Variants in HIBADH observed in about 807,000 individuals in gnomAD.
The protein encoded by HIBADH is 3-hydroxyisobutyrate dehydrogenase, mitochondrial.
Under a neutral mutation model 36.1 loss-of-function variants are expected in HIBADH, and 25 were observed. The ratio of observed to expected loss-of-function variants is 0.69; its 90% confidence interval spans 0.50 to 0.97. HIBADH has a LOEUF of 0.97. Ranked by LOEUF, HIBADH falls within the 50% of genes least tolerant of loss-of-function variation. The probability of loss-of-function intolerance (pLI) is 0.00; values close to 1 mark genes in which losing one functional copy is unlikely to be tolerated. For missense variants in HIBADH, 421 were observed against 418.0 expected, an observed-to-expected ratio of 1.01 and a Z score of -0.06; for synonymous variants, 160 against 149.5, an observed-to-expected ratio of 1.07 and a Z score of -0.51.
chr7:27,550,578 C>T lies in HIBADH; in HGVS notation c.485-7478G>A, dbSNP rs533074324. On this transcript the variant is annotated intron_variant, in intron 4 of 7. Coordinates refer to ENST00000265395, the MANE Select transcript of HIBADH (RefSeq NM_152740.4). ...CCCTCACATGAAATACCCTTCTCTGCCTTCTTTGCCTGGCTAACTCCTGCT... is the reference window on the plus strand; with the variant it reads ...CCCTCACATGAAATACCCTTCTCTGTCTTCTTTGCCTGGCTAACTCCTGCT... Among the ~76,000 whole-genome samples, 6 of 152,308 alleles carry T rather than the reference C, an allele frequency of 3.9e-5. No individual in the cohort carries two copies. The East Asian group carries it at 5.8e-4, about 15-fold the overall frequency.
chr7:27,646,261 A>G (rs1786068779), intron 2 of HIBADH, among the ~76,000 whole-genome samples: 1 of 152,216 alleles, frequency 6.6e-6, no homozygotes, highest in Non-Finnish European at 1.5e-5. Context: ...TAGTTTATAA[A>G]TAGGTTAACA....
intron 4 of HIBADH, among the ~76,000 whole-genome samples, chr7:27,554,222 G>A (rs1424640482): frequency 2.0e-5 from 3 of 152,328 alleles, no homozygotes; most frequent in East Asian, 3.9e-4. Context: ...CTGACCTCAG[G>A]TGATCCACTT....
intron 1 of HIBADH, among the ~76,000 whole-genome samples, chr7:27,650,656 C>T (rs1018711473): frequency 1.0e-4 from 15 of 145,714 alleles, no homozygotes; most frequent in Non-Finnish European, 1.6e-4. Context: ...CCATGCCTGG[C>T]TAATTTTTGT....
intron 4 of HIBADH, among the ~76,000 whole-genome samples, chr7:27,594,455 T>TA (rs1408191749): frequency 6.6e-6 from 1 of 152,204 alleles, no homozygotes. Context: ...AAGAAAACTT[T>TA]AAAGTCCTAG....
intron 4 of HIBADH, among the ~76,000 whole-genome samples, chr7:27,551,906 A>C (rs867101688): frequency 6.6e-6 from 1 of 152,144 alleles, no homozygotes. Flanking sequence ...TTAAAATGCA[A>C]TTGTTCTAAT....
chr7:27,629,023 C>T (rs1421468895), intron 4 of HIBADH, among the ~76,000 whole-genome samples: 2 of 151,678 alleles, frequency 1.3e-5, no homozygotes, highest in Admixed American at 6.6e-5. Flanking sequence ...TCTTTTTTTC[C>T]CACTTGTTCA....
chr7:27,630,116 C>T (rs1306148318), intron 3 of HIBADH, among the ~76,000 whole-genome samples: 1 of 152,084 alleles, frequency 6.6e-6, no homozygotes, highest in Non-Finnish European at 1.5e-5. Flanking sequence ...TTTAGGGTAA[C>T]TTATATATAT....
At chr7:27,584,321 T>C (rs946419200) in intron 4 of HIBADH, among the ~76,000 whole-genome samples, 2 of 152,066 alleles carry the variant, frequency 1.3e-5, no homozygotes, top group African/African-American at 4.8e-5. Context: ...TTCAGTTAGT[T>C]ATGCAGATAT....
intron 4 of HIBADH, among the ~76,000 whole-genome samples, chr7:27,581,250 T>G (rs1267127683): frequency 6.6e-6 from 1 of 152,050 alleles, no homozygotes; most frequent in Non-Finnish European, 1.5e-5. Flanking sequence ...CAAGGGCCAA[T>G]GCAGAGCAAA....
Position 27,662,844 on chromosome 7 carries a change from G to C in HIBADH, c.-56C>G. On this transcript the variant is annotated 5_prime_UTR_variant, in exon 1 of 8. Coordinates refer to ENST00000265395, the MANE Select transcript of HIBADH (RefSeq NM_152740.4). The stretch of plus-strand genomic sequence containing the variant: ...TCCGCCGCCTCCCGGAGGGCCCACA[G>C]ACTGCGAGCGTGTGCAGCGGGACTG... The C allele has an allele frequency of 7.6e-7, 1 of 1,321,764 alleles. No homozygotes were observed. Among genetic ancestry groups the C allele is most frequent in the East Asian group, 3.1e-5 (1 of 32,192 alleles). The allele number at this position is 1,321,764 out of a possible 1,614,324, so 81.9% of individuals were successfully genotyped here.
At chr7:27,574,536 C>T (rs536278393) in intron 4 of HIBADH, among the ~76,000 whole-genome samples, 69 of 152,220 alleles carry the variant, frequency 4.5e-4, no homozygotes, top group African/African-American at 1.7e-3. Context: ...AACAAACAAG[C>T]TTGCAAGTTA....
At chr7:27,600,740 C>CT (rs1304569512) in intron 4 of HIBADH, among the ~76,000 whole-genome samples, 1 of 152,076 alleles carries the variant, frequency 6.6e-6, no homozygotes, top group East Asian at 1.9e-4. Context: ...AATCTGGAAA[C>CT]TGGTAGATGG....
At chr7:27,586,110 T>A (rs555403641) in intron 4 of HIBADH, among the ~76,000 whole-genome samples, 1 of 152,230 alleles carries the variant, frequency 6.6e-6, no homozygotes, top group Non-Finnish European at 1.5e-5. Flanking sequence ...TTTTTCCCTA[T>A]GAACAATACA....
chr7:27,535,967 T>C (rs987645432), intron 6 of HIBADH, among the ~76,000 whole-genome samples: 9 of 152,274 alleles, frequency 5.9e-5, no homozygotes, highest in African/African-American at 1.7e-4. Context: ...TTTGTAAATG[T>C]TGACATTAAT....
chr7:27,632,388 G>A lies in HIBADH; in HGVS notation c.310C>T (p.Pro104Ser). ...EKADRIITML[P>S]TSINAIEAYS... ...GCTTCTATTGCATTGATACTGGTGG[G>A]CAGCATTGTAATAATTCTGTCAGCT... The change falls in exon 3 of 8, where the codon CCC becomes TCC. Residue 104 changes from proline to serine, a missense_variant. By Grantham distance (74) the Pro-to-Ser change is moderately conservative. Transcript: ENST00000265395. 6.2e-7 allele frequency: 1 copy of A among 1,613,474 alleles called. No homozygotes were observed. Among genetic ancestry groups the A allele is most frequent in the Non-Finnish European group, 8.5e-7 (1 of 1,179,638 alleles).
chr7:27,549,341 T>C (rs1389855502), intron 4 of HIBADH, among the ~76,000 whole-genome samples: 2 of 152,204 alleles, frequency 1.3e-5, no homozygotes, highest in Non-Finnish European at 2.9e-5. Flanking sequence ...CATTCCACAA[T>C]ATTTACATCT....
At chr7:27,611,165 T>C (rs1400753217) in intron 4 of HIBADH, among the ~76,000 whole-genome samples, 1 of 152,182 alleles carries the variant, frequency 6.6e-6, no homozygotes, top group Non-Finnish European at 1.5e-5. Context: ...TTGACATTAA[T>C]TCCTACCTAG....
intron 4 of HIBADH, among the ~76,000 whole-genome samples, chr7:27,560,769 G>A (rs1354032325): frequency 6.6e-6 from 1 of 152,150 alleles, no homozygotes; most frequent in Non-Finnish European, 1.5e-5. Context: ...TGGTTACTAT[G>A]AGTACTGCTG....
chr7:27,647,148 T>G (rs1786087626), intron 2 of HIBADH, among the ~76,000 whole-genome samples: 1 of 152,002 alleles, frequency 6.6e-6, no homozygotes, highest in African/African-American at 2.4e-5. Flanking sequence ...AAAATAAGGG[T>G]TACCTGAAAA....
Sources: allele counts gnomAD v4.1 joint callset (sites outside exome capture counted in the v4.1 genomes callset), GRCh38; gene constraint gnomAD v4.1.1; transcripts MANE v1.5; gene names NCBI Gene and HGNC (gene_info 2026-07-23, HGNC 2026-07-21).